Variants in CADM2 observed in about 807,000 individuals in gnomAD.
CADM2 encodes the protein cell adhesion molecule 2.
In CADM2, 12 loss-of-function variants were observed where a neutral mutation model predicts 49.8. The observed-to-expected ratio is 0.24, with a 90% CI of 0.15 to 0.39. The LOEUF (loss-of-function observed/expected upper bound fraction) is 0.39. CADM2 is among the 10% of genes least tolerant of loss of function. CADM2 has a pLI of 1.00. For synonymous variants in CADM2, 214 were observed against 175.4 expected, an observed-to-expected ratio of 1.22 and a Z score of -1.74; for missense variants, 378 against 492.3, an observed-to-expected ratio of 0.77 and a Z score of 2.20.
intron 1 of CADM2, among the ~76,000 whole-genome samples, chr3:85,192,429 A>G (rs2041230921): frequency 6.6e-6 from 1 of 152,026 alleles, no homozygotes; most frequent in African/African-American, 2.4e-5. Context: ...ACAAGAGCTC[A>G]TCTTTCCTTA....
At chr3:85,950,103 A>G (rs1310877918) in intron 7 of CADM2, among the ~76,000 whole-genome samples, 4 of 151,262 alleles carry the variant, frequency 2.6e-5, no homozygotes, top group Non-Finnish European at 4.4e-5. Context: ...AATAATTTTC[A>G]AATAAGTTGA....
At chr3:85,364,617 C>T (rs552250376) in intron 1 of CADM2, among the ~76,000 whole-genome samples, 17 of 152,242 alleles carry the variant, frequency 1.1e-4, no homozygotes, top group African/African-American at 4.1e-4. Flanking sequence ...TAAATTATGG[C>T]TTTTTATAAA....
chr3:84,987,053 AAAAAC>A (rs370317433), intron 1 of CADM2, among the ~76,000 whole-genome samples: 1 of 151,950 alleles, frequency 6.6e-6, no homozygotes, highest in African/African-American at 2.4e-5. Context: ...ACTCCGTCTC[AAAAAC>A]AAAACAAAAC....
intron 1 of CADM2, among the ~76,000 whole-genome samples, chr3:85,139,842 T>G (rs1575962036): frequency 6.6e-6 from 1 of 152,152 alleles, no homozygotes; most frequent in Admixed American, 6.5e-5. Flanking sequence ...TTACTACTTA[T>G]AAGGGTTTTT....
rs1298622857 is a variant in CADM2, at chr3:85,456,203, A to G, written c.62-270319A>G. Among the ~76,000 whole-genome samples, 9 of 152,312 alleles carry G rather than the reference A, an allele frequency of 5.9e-5. No homozygotes were observed. In the East Asian group the frequency reaches 1.7e-3, roughly 29 times the overall value. ...GAGTTGTCTGGTATCAGCAGACACCATTTTGAACAGTACATTATCTAGACA... is the reference window on the plus strand; with the variant it reads ...GAGTTGTCTGGTATCAGCAGACACCGTTTTGAACAGTACATTATCTAGACA... On this transcript the variant is annotated intron_variant, in intron 1 of 9. Transcript: ENST00000383699.
At chr3:85,523,665 C>T (rs1274559966) in intron 1 of CADM2, among the ~76,000 whole-genome samples, 1 of 151,954 alleles carries the variant, frequency 6.6e-6, no homozygotes, top group African/African-American at 2.4e-5. Context: ...TAGTGAGTCT[C>T]ATTCATTATA....
At position 85,546,180 on chromosome 3, in the gene CADM2, A is replaced by G. The variant is rs1265786752; in HGVS notation, c.62-180342A>G. On this transcript the variant is annotated intron_variant, in intron 1 of 9. Coordinates refer to ENST00000383699, the MANE Select transcript of CADM2 (RefSeq NM_001167675.2). ...TTCCTAAGAAGGTGATCTGATAAGA[A>G]TGTGCTTCAAAATTCTAGCACCATG... is the stretch of plus-strand genomic sequence containing the variant. Among the ~76,000 whole-genome samples, 3 of 152,310 alleles carry G rather than the reference A, an allele frequency of 2.0e-5. No homozygotes were observed. The East Asian group carries it at 5.8e-4, about 29-fold the overall frequency.
chr3:85,483,458 A>G (rs933709008), intron 1 of CADM2, among the ~76,000 whole-genome samples: 4 of 151,138 alleles, frequency 2.6e-5, no homozygotes, highest in Non-Finnish European at 5.9e-5. Context: ...TTCTTATGTT[A>G]TCATATGTTC....
At chr3:85,855,706 A>C (rs955728055) in intron 3 of CADM2, among the ~76,000 whole-genome samples, 6 of 150,698 alleles carry the variant, frequency 4.0e-5, no homozygotes. Flanking sequence ...AGCTCACTGC[A>C]AGCTCCGCCT....
rs1232686652 is a variant in CADM2 at position 85,658,584 on chromosome 3, A to G, written c.62-67938A>G. Among the ~76,000 whole-genome samples, 564 of 86,532 alleles carry G rather than the reference A, an allele frequency of 6.5e-3. 10 individuals carry two copies. The highest frequency in any genetic ancestry group is 0.025 in the African/African-American group (507 of 20,458). 56.8% of individuals were successfully genotyped at this position (86,532 alleles called of 152,430 possible). On this transcript the variant is annotated intron_variant, in intron 1 of 9. Coordinates refer to ENST00000383699, the MANE Select transcript of CADM2 (RefSeq NM_001167675.2). ...ATATATTGGATATATGTGTATATATATATATATATATATATATATATATAT... is the reference window on the plus strand; with the variant it reads ...ATATATTGGATATATGTGTATATATGTATATATATATATATATATATATAT...
At chr3:85,688,757 G>A (rs1217832225) in intron 1 of CADM2, among the ~76,000 whole-genome samples, 3 of 151,824 alleles carry the variant, frequency 2.0e-5, no homozygotes, top group African/African-American at 7.3e-5. Context: ...TATTAGAGAT[G>A]GGGTTTCACC....
At chr3:85,260,141 A>G (rs971022753) in intron 1 of CADM2, among the ~76,000 whole-genome samples, 2 of 152,158 alleles carry the variant, frequency 1.3e-5, no homozygotes, top group African/African-American at 4.8e-5. Context: ...TGTAGTTTCC[A>G]CAATCAATGT....
At chr3:85,305,587 CAAT>C (rs2044194079) in intron 1 of CADM2, among the ~76,000 whole-genome samples, 1 of 151,558 alleles carries the variant, frequency 6.6e-6, no homozygotes, top group Non-Finnish European at 1.5e-5. Context: ...CAGCTACCAA[CAAT>C]AATGTTTATT....
At chr3:85,826,158 T>C (rs1214433163) in intron 3 of CADM2, among the ~76,000 whole-genome samples, 12 of 152,056 alleles carry the variant, frequency 7.9e-5, no homozygotes, top group South Asian at 2.1e-4. Flanking sequence ...AACTTTATCA[T>C]TCTGATATGA....
chr3:85,158,786 A>G (rs1019624683), intron 1 of CADM2, among the ~76,000 whole-genome samples: 3 of 152,158 alleles, frequency 2.0e-5, no homozygotes, highest in African/African-American at 4.8e-5. Context: ...GCAGATGTAT[A>G]CATATGTAAC....
At chr3:84,996,583 T>C (rs2033189979) in intron 1 of CADM2, among the ~76,000 whole-genome samples, 1 of 152,154 alleles carries the variant, frequency 6.6e-6, no homozygotes, top group Admixed American at 6.5e-5. Flanking sequence ...ATAAAAAATA[T>C]TATGAAATTA....
intron 2 of CADM2, among the ~76,000 whole-genome samples, chr3:85,747,941 A>G (rs531650088): frequency 6.6e-6 from 1 of 152,212 alleles, no homozygotes; most frequent in Middle Eastern, 3.4e-3. Context: ...GAGGCGTACT[A>G]ATTGATACAG....
At chr3:86,060,933 G>A (rs866661882) in intron 8 of CADM2, among the ~76,000 whole-genome samples, 7 of 152,104 alleles carry the variant, frequency 4.6e-5, no homozygotes, top group Middle Eastern at 3.5e-3. Context: ...AGTGAGTCAA[G>A]ATCGTGCCAC....
chr3:85,430,646 AG>A (rs1364932244), intron 1 of CADM2, among the ~76,000 whole-genome samples: 1 of 149,678 alleles, frequency 6.7e-6, no homozygotes, highest in Non-Finnish European at 1.5e-5. Context: ...GAAAGAGAGG[AG>A]AAAAACAGAA....
Sources: allele counts gnomAD v4.1 joint callset (sites outside exome capture counted in the v4.1 genomes callset), GRCh38; gene constraint gnomAD v4.1.1; transcripts MANE v1.5; gene names NCBI Gene and HGNC (gene_info 2026-07-23, HGNC 2026-07-21).